WDR72: variants seen among roughly 807,000 people sequenced by gnomAD.
WDR72 encodes the protein WD repeat domain 72, also known as WD repeat-containing protein 72.
Under a neutral mutation model 124.2 loss-of-function variants are expected in WDR72, and 120 were observed. The observed-to-expected ratio is 0.97, with a 90% confidence interval of 0.83 to 1.12. The LOEUF is 1.12. Among genes scored for constraint, WDR72 ranks in the 50% most tolerant of loss-of-function variants. The pLI, the probability that WDR72 is intolerant of heterozygous loss-of-function variation, is 0.00. For missense variants in WDR72, 1,387 were observed against 1,278.8 expected, an observed-to-expected ratio of 1.08 and a Z score of -1.29; for synonymous variants, 452 against 441.7, an observed-to-expected ratio of 1.02 and a Z score of -0.29.
intron 13 of WDR72, among the ~76,000 whole-genome samples, chr15:53,693,090 G>A (rs1446643957): frequency 6.6e-6 from 1 of 152,156 alleles, no homozygotes; most frequent in African/African-American, 2.4e-5. Context: ...ATGCTCACAA[G>A]ACTGTCAACA....
upstream of WDR72, among the ~76,000 whole-genome samples, chr15:53,759,836 GCCTC>G (rs541904114): frequency 1.3e-5 from 2 of 151,042 alleles, no homozygotes; most frequent in Non-Finnish European, 3.0e-5. Flanking sequence ...TGGACCCGCT[GCCTC>G]CCTCCCTCCC....
chr15:53,751,254 C>T (rs2018767148), intron 1 of WDR72, among the ~76,000 whole-genome samples: 1 of 150,098 alleles, frequency 6.7e-6, no homozygotes, highest in Admixed American at 6.7e-5. Context: ...AAAAAAAAAG[C>T]TTTCACAAAA....
At chr15:53,723,364 A>G (rs1421821993) in intron 2 of WDR72, among the ~76,000 whole-genome samples, 1 of 152,230 alleles carries the variant, frequency 6.6e-6, no homozygotes, top group Non-Finnish European at 1.5e-5. Flanking sequence ...TGGTACAGCT[A>G]TTTTTAAAAA....
At chr15:53,645,640 G>A (rs566113301) in intron 14 of WDR72, among the ~76,000 whole-genome samples, 5 of 152,184 alleles carry the variant, frequency 3.3e-5, no homozygotes, top group South Asian at 4.2e-4. Context: ...GTAAATGTTC[G>A]ATGAAGTAAA....
chr15:53,538,114 TTAAA>T (rs1465534549), intron 18 of WDR72, among the ~76,000 whole-genome samples: 3 of 152,074 alleles, frequency 2.0e-5, no homozygotes, highest in African/African-American at 7.2e-5. Context: ...TGCTGATAAA[TTAAA>T]TAAAAATTAA....
At chr15:53,610,897 CA>C (rs2013512127) in intron 16 of WDR72, among the ~76,000 whole-genome samples, 1 of 152,080 alleles carries the variant, frequency 6.6e-6, no homozygotes, top group Non-Finnish European at 1.5e-5. Flanking sequence ...ACTCAACCAT[CA>C]AAGCTAAGTA....
At chr15:53,647,140 T>G (rs1314781554) in intron 14 of WDR72, among the ~76,000 whole-genome samples, 1 of 152,118 alleles carries the variant, frequency 6.6e-6, no homozygotes, top group East Asian at 1.9e-4. Flanking sequence ...TATAACTCCA[T>G]GTGAAAAATG....
At chr15:53,694,527 C>T (rs1307221353) in intron 13 of WDR72, among the ~76,000 whole-genome samples, 2 of 152,174 alleles carry the variant, frequency 1.3e-5, no homozygotes. Context: ...TTATAGCAGG[C>T]TTCCTGGCAG....
chr15:53,615,716 C>T lies in WDR72; in HGVS notation c.2490G>A (p.Leu830=), dbSNP rs2013731523. The change falls in exon 15 of 20, where the codon TTG becomes TTA. Residue 830 remains leucine, a synonymous_variant. Transcript: ENST00000360509. Reference sequence around the variant, plus strand: ...AATTATCTTCATTCAAAGAAATTCCCAAAGAAATAGGACCCTGAAGCTTTA... The same window carrying T: ...AATTATCTTCATTCAAAGAAATTCCTAAAGAAATAGGACCCTGAAGCTTTA... ...NILKLQGPIS[L]GISLNEDNFS... The T allele has an allele frequency of 6.2e-7, 1 of 1,612,182 alleles. No homozygotes were observed. Among genetic ancestry groups the T allele is most frequent in the East Asian group, 2.2e-5 (1 of 44,858 alleles).
At chr15:53,661,494 G>A (rs1381038569) in intron 14 of WDR72, among the ~76,000 whole-genome samples, 2 of 152,112 alleles carry the variant, frequency 1.3e-5, no homozygotes, top group African/African-American at 4.8e-5. Context: ...ATGACCTAAA[G>A]ACCTCTCCTT....
rs2017914005 is a variant in WDR72 at position 53,722,798 on chromosome 15, C to G, written c.260+4G>C. 4 of 1,612,610 alleles carry G rather than the reference C, an allele frequency of 2.5e-6. No individual in the cohort carries two copies. The East Asian group carries it at 6.7e-5, about 27-fold the overall frequency. On this transcript the variant is annotated splice_donor_region_variant and intron_variant, in intron 3 of 19. Coordinates refer to ENST00000360509, the MANE Select transcript of WDR72 (RefSeq NM_182758.4). Reference sequence around the variant, plus strand: ...AGGGGACAAAGTTTACATACCATACCTACCCATTTTCAGCAGCACTAACAA... The same window carrying G: ...AGGGGACAAAGTTTACATACCATACGTACCCATTTTCAGCAGCACTAACAA...
At chr15:53,622,680 T>G (rs1490468911) in intron 14 of WDR72, among the ~76,000 whole-genome samples, 1 of 151,980 alleles carries the variant, frequency 6.6e-6, no homozygotes, top group East Asian at 1.9e-4. Context: ...CATGCTGGCC[T>G]TAATACCTAG....
rs1891442197 is a variant in WDR72, at chr15:53,515,994, C to G, written c.*1705G>C. On this transcript the variant is annotated 3_prime_UTR_variant, in exon 20 of 20. Transcript: ENST00000360509. ...TGCTTTTGGGAGTCCTTATAATGTC[C>G]TTGACAACTGGTATACAACAAGCAA... 6.6e-6 allele frequency: 1 copy of G among 152,050 alleles called. No individual in the cohort carries two copies. Among genetic ancestry groups the G allele is most frequent in the African/African-American group, 2.4e-5 (1 of 41,430 alleles). The allele number at this position is 152,050 out of a possible 1,614,324, so 9.4% of individuals were successfully genotyped here. A position where few individuals can be genotyped will look rare whatever the true frequency, so the allele number is the denominator to read the frequency against.
At chr15:53,566,819 T>C (rs1566963107) in intron 18 of WDR72, among the ~76,000 whole-genome samples, 1 of 152,004 alleles carries the variant, frequency 6.6e-6, no homozygotes, top group Non-Finnish European at 1.5e-5. Context: ...GACTCTCATA[T>C]ACTGTAAAAG....
Position 53,546,487 on chromosome 15 carries a change from G to T in WDR72, c.3149-23165C>A, listed in dbSNP as rs375319066. 3.6e-4 allele frequency among the ~76,000 whole-genome samples: 55 copies of T among 151,090 alleles called. No individual in the cohort carries two copies. In the East Asian group the frequency reaches 1.0e-2, roughly 27 times the overall value. On this transcript the variant is annotated intron_variant, in intron 18 of 19. Transcript: ENST00000360509. ...AATGAGATCACATGGACACAGGAAG[G>T]GGAATATCACACTCTGGGGACTGTG... is the stretch of plus-strand genomic sequence containing the variant.
At chr15:53,705,903 T>C (rs1309539896) in intron 10 of WDR72, 24 bp downstream of exon 10, 2 of 1,613,600 alleles carry the variant, frequency 1.2e-6, no homozygotes, top group Non-Finnish European at 8.5e-7. Flanking sequence ...GAAGACATGT[T>C]ACTAGAAAAG....
In WDR72 at chr15:53,517,752, C is replaced by T. The variant is rs767964266; in HGVS notation, c.3256G>A (p.Glu1086Lys). Residue 1086 changes from glutamate to lysine, a missense_variant and splice_region_variant, in exon 20 of 20, where the codon GAG becomes AAG. By Grantham distance (56) the Glu-to-Lys change is moderately conservative. Coordinates refer to ENST00000360509, the MANE Select transcript of WDR72 (RefSeq NM_182758.4). The part of the protein sequence containing the change: ...CALEESESPG[E>K]PRHHSWIAKV... ...GCTATCCATGAATGATGCCTTGGCT[C>T]ACCTAGGAAAAAAGCAGATATCTTG... 3 of 1,612,360 alleles carry T rather than the reference C, an allele frequency of 1.9e-6. No homozygotes were observed. Among genetic ancestry groups the T allele is most frequent in the Admixed American group, 3.3e-5 (2 of 59,876 alleles).
intron 14 of WDR72, among the ~76,000 whole-genome samples, chr15:53,647,819 T>C (rs1414072372): frequency 6.6e-6 from 1 of 152,126 alleles, no homozygotes. Context: ...CAAATTGATA[T>C]CAATATATAC....
intron 2 of WDR72, among the ~76,000 whole-genome samples, chr15:53,727,919 G>C (rs959840891): frequency 6.6e-6 from 1 of 152,218 alleles, no homozygotes; most frequent in South Asian, 2.1e-4. Flanking sequence ...GATGAAATCT[G>C]CAAGACCTTT....
Sources: allele counts gnomAD v4.1 joint callset (sites outside exome capture counted in the v4.1 genomes callset), GRCh38; gene constraint gnomAD v4.1.1; transcripts MANE v1.5; gene names NCBI Gene and HGNC (gene_info 2026-07-23, HGNC 2026-07-21).